The following SLC12A1 variants were observed in gnomAD, a reference collection of about 807,000 sequenced individuals.
SLC12A1 encodes Na-K-2Cl cotransporter.
SLC12A1 carries 89 observed loss-of-function variants against 130.4 expected under a neutral mutation model. The observed-to-expected ratio is 0.68, with a 90% CI of 0.58 to 0.81. SLC12A1 has a LOEUF of 0.81. Among genes scored for constraint, SLC12A1 ranks in the 40% least tolerant of loss-of-function variants. The pLI is 0.00. For synonymous variants in SLC12A1, 499 were observed against 460.0 expected, an observed-to-expected ratio of 1.08 and a Z score of -1.09; for missense variants, 1,310 against 1,336.4, an observed-to-expected ratio of 0.98 and a Z score of 0.31.
chr15:48,280,056 G>A (rs973141437), intron 20 of SLC12A1, among the ~76,000 whole-genome samples: 1 of 151,942 alleles, frequency 6.6e-6, no homozygotes, highest in East Asian at 1.9e-4. Context: ...CCATTCCCCA[G>A]TGGGTTTCCC....
chr15:48,269,804 C>T, intron 19 of SLC12A1, 40 bp downstream of exon 19: 1 of 1,138,146 alleles, frequency 8.8e-7, no homozygotes, highest in Non-Finnish European at 1.3e-6. Flanking sequence ...GTTTATAAAG[C>T]ACTAAGCAGG....
At position 48,230,763 on chromosome 15, in the gene SLC12A1, C is replaced by A. The variant is rs189864087; in HGVS notation, c.975+260C>A. ...AGGCGGCTGCCTTATGCACAGACCC[C>A]TTATGATCATAGCAGTGGTGCACGC... On this transcript the variant is annotated intron_variant, in intron 7 of 26. Coordinates refer to ENST00000380993, the MANE Select transcript of SLC12A1 (RefSeq NM_000338.3). Among the ~76,000 whole-genome samples the A allele has an allele frequency of 3.9e-5, 6 of 152,336 alleles. No individual in the cohort carries two copies. In the East Asian group the frequency reaches 1.2e-3, roughly 29 times the overall value.
intron 17 of SLC12A1, among the ~76,000 whole-genome samples, chr15:48,263,983 T>A (rs1337540446): frequency 6.6e-6 from 1 of 152,112 alleles, no homozygotes; most frequent in African/African-American, 2.4e-5. Flanking sequence ...GCCATTGCAC[T>A]CGGCCCTCCA....
intron 26 of SLC12A1, 128 bp downstream of exon 26, chr15:48,301,510 G>GGGGT: frequency 2.0e-6 from 1 of 497,246 alleles, no homozygotes; most frequent in South Asian, 2.7e-5. Flanking sequence ...TTTGGGGGGG[G>GGGGT]GAACACGTGG....
intron 11 of SLC12A1, among the ~76,000 whole-genome samples, chr15:48,246,109 TCATTATTC>T (rs1230562598): frequency 6.6e-6 from 1 of 152,214 alleles, no homozygotes; most frequent in Non-Finnish European, 1.5e-5. Context: ...TCAGCTGAAG[TCATTATTC>T]CAAAATATGA....
intron 8 of SLC12A1, among the ~76,000 whole-genome samples, 163 bp from the exon 9 acceptor site, chr15:48,234,714 T>C (rs1025541978): frequency 3.3e-5 from 5 of 151,712 alleles, no homozygotes; most frequent in African/African-American, 1.2e-4. Flanking sequence ...GATCGTGCCA[T>C]TGCACTCCAG....
intron 20 of SLC12A1, among the ~76,000 whole-genome samples, chr15:48,279,586 T>C (rs2041990072): frequency 6.6e-6 from 1 of 152,178 alleles, no homozygotes; most frequent in Admixed American, 6.5e-5. Context: ...TGACTGATAG[T>C]TTCTCTTAAT....
At chr15:48,242,084 A>G (rs1055560481) in intron 10 of SLC12A1, among the ~76,000 whole-genome samples, 1 of 152,192 alleles carries the variant, frequency 6.6e-6, no homozygotes, top group African/African-American at 2.4e-5. Context: ...ACTGTCACCA[A>G]TTGGCAGGAT....
At chr15:48,232,227 A>G (rs1366249224) in intron 7 of SLC12A1, among the ~76,000 whole-genome samples, 1 of 152,200 alleles carries the variant, frequency 6.6e-6, no homozygotes, top group Non-Finnish European at 1.5e-5. Flanking sequence ...TGACCAGTCA[A>G]CTTTGCAGAC....
At chr15:48,211,417 G>C (rs970474981) in intron 2 of SLC12A1, among the ~76,000 whole-genome samples, 13 of 152,154 alleles carry the variant, frequency 8.5e-5, no homozygotes, top group African/African-American at 3.1e-4. Context: ...TGCTGTAGCT[G>C]TGCTGCCACC....
intron 2 of SLC12A1, among the ~76,000 whole-genome samples, chr15:48,208,475 A>G (rs2041009498): frequency 6.6e-6 from 1 of 151,846 alleles, no homozygotes. Flanking sequence ...ACCACACCTG[A>G]CTAACTTTTT....
chr15:48,210,038 T>C (rs965586606), intron 2 of SLC12A1, among the ~76,000 whole-genome samples: 4 of 152,150 alleles, frequency 2.6e-5, no homozygotes, highest in Non-Finnish European at 5.9e-5. Flanking sequence ...GGGAGGCAAT[T>C]TGAACTGTTG....
At chr15:48,220,185 A>AGATAGATAGAT (rs1567305483) in intron 2 of SLC12A1, among the ~76,000 whole-genome samples, 1 of 150,938 alleles carries the variant, frequency 6.6e-6, no homozygotes, top group Non-Finnish European at 1.5e-5. Context: ...ATAGATAGAT[A>AGATAGATAGAT]AAATGAAGTA....
At position 48,288,059 on chromosome 15, in the gene SLC12A1, A is replaced by C; in HGVS notation, c.2646A>C (p.Thr882=). The part of the protein sequence containing the change: ...TTPKKDGSIN[T]SQSMHVGEFN... The stretch of plus-strand genomic sequence containing the variant: ...TCGTTTCAGATGGCAGCATTAACAC[A>C]AGCCAGTCGATGCATGTGGGAGAGT... Residue 882 remains threonine, a synonymous_variant, in exon 22 of 27, where the codon ACA becomes ACC. Transcript: ENST00000380993. 6.2e-7 allele frequency: 1 copy of C among 1,611,302 alleles called. No individual in the cohort carries two copies. The highest frequency in any genetic ancestry group is 8.5e-7 in the Non-Finnish European group (1 of 1,178,782).
chr15:48,222,112 G>A (rs9920281), intron 4 of SLC12A1, among the ~76,000 whole-genome samples: 118,919 of 152,162 alleles, frequency 0.78, 52,473 homozygotes, highest in Non-Finnish European at 1. Context: ...CACAGCCGCA[G>A]GGTCCAAAAT....
chr15:48,254,592 T>TAAAAAAAAAAAAAAAAAAAAAAAAAAAAA (rs550686114), intron 15 of SLC12A1, among the ~76,000 whole-genome samples: 3 of 52,862 alleles, frequency 5.7e-5, no homozygotes, highest in Non-Finnish European at 1.3e-4. Flanking sequence ...CTTAAATTCG[T>TAAAAAAAAAAAAAAAAAAAAAAAAAAAAA]AAAAAAAAAA....
chr15:48,286,834 A>C (rs1326439765), intron 21 of SLC12A1, among the ~76,000 whole-genome samples: 3 of 152,234 alleles, frequency 2.0e-5, no homozygotes, highest in Non-Finnish European at 4.4e-5. Context: ...GACGAGAACC[A>C]ATCCTGCCTC....
In SLC12A1 at chr15:48,285,258, T is replaced by C; in HGVS notation, c.2629+9T>C. The C allele has an allele frequency of 1.9e-6, 3 of 1,612,754 alleles. No individual in the cohort carries two copies. Among genetic ancestry groups the C allele is most frequent in the Non-Finnish European group, 1.7e-6 (2 of 1,179,514 alleles). The stretch of plus-strand genomic sequence containing the variant: ...GACAACGCCTAAAAAAGGTAAGAAC[T>C]TTTTAAAATTTGCAAAAAAGTTTAC... On this transcript the variant is annotated intron_variant, in intron 21 of 26. Coordinates refer to ENST00000380993, the MANE Select transcript of SLC12A1 (RefSeq NM_000338.3).
rs1477621725 is a variant in SLC12A1, at chr15:48,207,681, C to G, written c.-39C>G. On this transcript the variant is annotated 5_prime_UTR_variant, in exon 2 of 27. Coordinates refer to ENST00000380993, the MANE Select transcript of SLC12A1 (RefSeq NM_000338.3). ...AAATATATAGATTTTTTAAAACAAC[C>G]ACAAAGTAGATAGCTCAGTAAAAAA... The G allele has an allele frequency of 1.4e-6, 2 of 1,478,318 alleles. No homozygotes were observed. Among genetic ancestry groups the G allele is most frequent in the Admixed American group, 5.0e-5 (2 of 40,180 alleles). The allele number at this position is 1,478,318 out of a possible 1,614,324, so 91.6% of individuals were successfully genotyped here. A position where few individuals can be genotyped will look rare whatever the true frequency, so the allele number is the denominator to read the frequency against.
Sources: gnomAD v4.1 joint callset for allele counts (sites outside exome capture counted in the v4.1 genomes callset) on GRCh38, gnomAD v4.1.1 for gene constraint, MANE v1.5 for transcripts, NCBI Gene and HGNC (gene_info 2026-07-23, HGNC 2026-07-21) for gene names.